The following RECQL variants were observed in gnomAD, a reference collection of about 807,000 sequenced individuals.
RECQL encodes the protein ATP-dependent DNA helicase Q1.
A neutral mutation model predicts 75.8 loss-of-function variants in RECQL; 73 were observed. The ratio of observed to expected loss-of-function variants is 0.96; its 90% CI spans 0.80 to 1.17. The LOEUF (loss-of-function observed/expected upper bound fraction) is 1.17, where lower values mean the gene tolerates loss of function less well. RECQL is among the 50% of genes most tolerant of loss of function. The pLI is 0.00. For missense variants in RECQL, 699 were observed against 772.1 expected (o/e 0.91, Z 1.12); for synonymous variants, 248 against 254.4 (o/e 0.97, Z 0.24).
At chr12:21,479,385 C>T (rs1386296679) in intron 6 of RECQL, among the ~76,000 whole-genome samples, 1 of 140,578 alleles carries the variant, frequency 7.1e-6, no homozygotes, top group African/African-American at 2.6e-5. Context: ...TGGAGTCTCA[C>T]TCTGTCACCC....
chr12:21,476,331 A>T (rs1170863937), intron 8 of RECQL, among the ~76,000 whole-genome samples: 1 of 152,018 alleles, frequency 6.6e-6, no homozygotes, highest in East Asian at 1.9e-4. Context: ...TCTCAAATTC[A>T]TTTGACCCTA....
rs1003784422 is a variant in RECQL, at chr12:21,491,418, T to C, written c.214+101A>G. 5.9e-6 allele frequency: 7 copies of C among 1,189,002 alleles called. No homozygotes were observed. In the African/African-American group the frequency reaches 1.1e-4, roughly 18 times the overall value. The allele number at this position is 1,189,002 out of a possible 1,614,324, so 73.7% of individuals were successfully genotyped here. On this transcript the variant is annotated intron_variant, in intron 3 of 14. Coordinates refer to ENST00000444129, the MANE Select transcript of RECQL (RefSeq NM_002907.4). ...CACTGGAGAAATGGCCAGTTTCACC[T>C]CTAAGCCTACTGGAAAGCACTGTCC...
chr12:21,476,947 C>T lies in RECQL; in HGVS notation c.913G>A (p.Val305Ile). The change falls in exon 8 of 15, where the codon GTA becomes ATA. Residue 305 changes from valine (V) to isoleucine (I), a missense_variant. Physicochemically the swap from Val to Ile is conservative, Grantham distance 29. This residue lies in a region of RECQL where 669 missense variants were observed against 713.5 expected (regional missense o/e 0.94). Transcript: ENST00000444129. ...SNTEDFIEDI[V>I]KLINGRYKGQ... ...TTGTATCTCCCATTAATGAGCTTTACAATATCCTCAATAAAATCTTCAGTG... is the reference window on the plus strand; with the variant it reads ...TTGTATCTCCCATTAATGAGCTTTATAATATCCTCAATAAAATCTTCAGTG... The T allele has an allele frequency of 6.2e-7, 1 of 1,609,984 alleles. No individual in the cohort carries two copies. The highest frequency in any genetic ancestry group is 1.1e-5 in the South Asian group (1 of 90,064).
At chr12:21,493,002 G>C (rs1186746720) in intron 2 of RECQL, among the ~76,000 whole-genome samples, 1 of 152,142 alleles carries the variant, frequency 6.6e-6, no homozygotes, top group Middle Eastern at 3.2e-3. Context: ...AGCTGACTCA[G>C]GGATAGCTGC....
At chr12:21,485,860 T>C (rs1943285781) in intron 5 of RECQL, among the ~76,000 whole-genome samples, 1 of 152,178 alleles carries the variant, frequency 6.6e-6, no homozygotes, top group Non-Finnish European at 1.5e-5. Flanking sequence ...ATTTCAGTAA[T>C]ATGCTTTTTA....
At chr12:21,486,449 A>C (rs1277351672) in intron 5 of RECQL, 30 bp downstream of exon 5, 1 of 1,543,832 alleles carries the variant, frequency 6.5e-7, no homozygotes, top group Non-Finnish European at 8.7e-7. Flanking sequence ...AATAGTTTAC[A>C]TTAAAAAAAA....
At chr12:21,490,736 C>A (rs1943396452) in intron 3 of RECQL, among the ~76,000 whole-genome samples, 1 of 151,976 alleles carries the variant, frequency 6.6e-6, no homozygotes, top group African/African-American at 2.4e-5. Flanking sequence ...CACCTGTAGT[C>A]CCAGCTACTA....
rs1942965081 is a variant in RECQL at position 21,471,546 on chromosome 12, C to CA, written c.1548dup (p.Asp517Ter). ...GCTGCACCCTTTCCCATCCAAGAAT[C>CA]AATCAGTTTCAATGGAGTGAGTTTT... is the stretch of plus-strand genomic sequence containing the variant. On this transcript the variant is annotated frameshift_variant, in exon 13 of 15. Coordinates refer to ENST00000444129, the MANE Select transcript of RECQL (RefSeq NM_002907.4). LOFTEE classifies it high-confidence loss of function. 3.7e-6 allele frequency: 6 copies of CA among 1,612,276 alleles called. No individual in the cohort carries two copies. The East Asian group carries it at 1.1e-4, about 30-fold the overall frequency.
intron 5 of RECQL, 52 bp from the exon 6 acceptor site, chr12:21,483,626 T>A (rs780524849): frequency 3.9e-6 from 5 of 1,288,628 alleles, no homozygotes; most frequent in Non-Finnish European, 5.4e-6. Context: ...GCTAGCAGAC[T>A]GAAATACTAG....
Position 21,474,848 on chromosome 12 carries a change from T to C in RECQL, c.1348A>G (p.Ile450Val), listed in dbSNP as rs760084946. The C allele has an allele frequency of 6.2e-7, 1 of 1,612,648 alleles. No homozygotes were observed. Among genetic ancestry groups the C allele is most frequent in the Non-Finnish European group, 8.5e-7 (1 of 1,178,892 alleles). ...LYEMVSYCQN[I>V]SKCRRVLMAQ... ...AAAAGGTATGTGGCTTACTTGCTTA[T>C]GTTTTGACAGTATGATACCATCTCA... Residue 450 changes from isoleucine (I) to valine (V), a missense_variant, in exon 11 of 15, where the codon ATA becomes GTA. Ile to Val is a conservative substitution (Grantham distance 29). This residue lies in a region of RECQL where 669 missense variants were observed against 713.5 expected (regional missense o/e 0.94). Transcript: ENST00000444129.
At chr12:21,483,070 C>T (rs917338794) in intron 6 of RECQL, among the ~76,000 whole-genome samples, 2 of 149,280 alleles carry the variant, frequency 1.3e-5, no homozygotes, top group Admixed American at 1.3e-4. Context: ...CATATGTGTC[C>T]ATATTTGTCC....
intron 2 of RECQL, among the ~76,000 whole-genome samples, chr12:21,492,768 A>T (rs560066949): frequency 3.9e-5 from 6 of 152,332 alleles, no homozygotes; most frequent in African/African-American, 1.4e-4. Flanking sequence ...GCTCCTGCTA[A>T]ATCTTGGTGG....
chr12:21,470,469 G>T, intron 14 of RECQL, 123 bp from the exon 15 acceptor site: 3 of 1,068,658 alleles, frequency 2.8e-6, no homozygotes, highest in Non-Finnish European at 3.9e-6. Context: ...AGTATACAGG[G>T]GTCTAGTTTT....
At chr12:21,497,979 C>G (rs530017257) in intron 2 of RECQL, among the ~76,000 whole-genome samples, 1 of 152,224 alleles carries the variant, frequency 6.6e-6, no homozygotes, top group Non-Finnish European at 1.5e-5. Context: ...GATACAGATG[C>G]TTACTCCGGA....
chr12:21,472,555 A>ACT (rs1321461610), intron 12 of RECQL, among the ~76,000 whole-genome samples: 2,876 of 152,158 alleles, frequency 0.019, 83 homozygotes, highest in African/African-American at 0.064. Context: ...GAGTTCCTAG[A>ACT]ACCATGTAAT....
chr12:21,490,426 G>T lies in RECQL; in HGVS notation c.215-48C>A, dbSNP rs779283373. On this transcript the variant is annotated intron_variant, in intron 3 of 14. Transcript: ENST00000444129. Reference sequence around the variant, plus strand: ...CAGACAAACATGTAAGACTATTATAGAAGTTTGATAAGAATGAGACAAACA... The same window carrying T: ...CAGACAAACATGTAAGACTATTATATAAGTTTGATAAGAATGAGACAAACA... 70 of 1,279,514 alleles carry T rather than the reference G, an allele frequency of 5.5e-5. 1 individual carries two copies. The South Asian group carries it at 7.7e-4, about 14-fold the overall frequency. 79.3% of individuals were successfully genotyped at this position (1,279,514 alleles called of 1,614,324 possible). A position where few individuals can be genotyped will look rare whatever the true frequency, so the allele number is the denominator to read the frequency against.
At position 21,471,005 on chromosome 12, in the gene RECQL, A is replaced by C. The variant is rs1333579466; in HGVS notation, c.1761T>G (p.Thr587=). ...TCTGCGTGGACTTTGTCACTTGCATAGTAATAGCATGTGCCTCATTGTTCA... is the reference window on the plus strand; with the variant it reads ...TCTGCGTGGACTTTGTCACTTGCATCGTAATAGCATGTGCCTCATTGTTCA... ...NLLNNEAHAI[T]MQVTKSTQNS... The change falls in exon 14 of 15, where the codon ACT becomes ACG. Residue 587 remains threonine (T), a synonymous_variant. Transcript: ENST00000444129. 1 of 1,574,850 alleles carries C rather than the reference A, an allele frequency of 6.3e-7. No individual in the cohort carries two copies. The highest frequency in any genetic ancestry group is 2.4e-5 in the East Asian group (1 of 42,006).
chr12:21,499,474 T>G (rs1943565934), intron 2 of RECQL, 81 bp downstream of exon 2: 3 of 1,317,502 alleles, frequency 2.3e-6, no homozygotes, highest in African/African-American at 1.5e-5. Flanking sequence ...ATAATCAGAA[T>G]TTTTAAAACA....
At chr12:21,474,493 C>G (rs1165533156) in intron 11 of RECQL, among the ~76,000 whole-genome samples, 1 of 152,012 alleles carries the variant, frequency 6.6e-6, no homozygotes, top group Non-Finnish European at 1.5e-5. Flanking sequence ...CGTTACTGAG[C>G]TTGACTCTCA....
Sources: gnomAD v4.1 joint callset for allele counts (sites outside exome capture counted in the v4.1 genomes callset) on GRCh38, gnomAD v4.1.1 for gene constraint, gnomAD v4.1.1 regional missense constraint, MANE v1.5 for transcripts, NCBI Gene and HGNC (gene_info 2026-07-23, HGNC 2026-07-21) for gene names.